MPDZ: variants seen among roughly 807,000 people sequenced by gnomAD.
MPDZ encodes multiple PDZ domain protein.
In MPDZ, 234 loss-of-function variants were observed where a neutral mutation model predicts 239.1. The ratio of observed to expected loss-of-function variants is 0.98; its 90% CI spans 0.88 to 1.09. The LOEUF (loss-of-function observed/expected upper bound fraction) is 1.09, where lower values mean the gene tolerates loss of function less well. Ranked by LOEUF, MPDZ falls within the 50% of genes least tolerant of loss-of-function variation. The pLI is 0.00. For synonymous variants in MPDZ, 1,048 were observed against 881.3 expected (o/e 1.19, Z -3.35); for missense variants, 3,175 against 2,510.0 (o/e 1.26, Z -5.66).
rs769011115 is a variant in MPDZ at position 13,219,569 on chromosome 9, G to C, written c.1076C>G (p.Pro359Arg). 1.2e-6 allele frequency: 2 copies of C among 1,611,522 alleles called. No homozygotes were observed. Among genetic ancestry groups the C allele is most frequent in the Non-Finnish European group, 1.7e-6 (2 of 1,178,674 alleles). ...CTCTTAACTACTTACCCGCAACTCT[G>C]GTGTTGAAGTTGGGGATGAGGAGAG... ...ITLSSSPTST[P>R]ELRVDASTQK... The change falls in exon 8 of 47, where the codon CCA (proline) becomes CGA (arginine). Residue 359 changes from proline (P) to arginine (R), a missense_variant. By Grantham distance (103) the Pro-to-Arg change is moderately radical (BLOSUM62 -2). Coordinates refer to ENST00000319217, the MANE Select transcript of MPDZ (RefSeq NM_001378778.1).
chr9:13,236,851 T>TG (rs1196176915), intron 3 of MPDZ, among the ~76,000 whole-genome samples: 2 of 152,054 alleles, frequency 1.3e-5, no homozygotes, highest in Non-Finnish European at 2.9e-5. Flanking sequence ...CGTACCAGGA[T>TG]GTTTTACCTC....
chr9:13,210,678 C>T (rs1188790722), intron 10 of MPDZ, among the ~76,000 whole-genome samples: 1 of 151,990 alleles, frequency 6.6e-6, no homozygotes, highest in Non-Finnish European at 1.5e-5. Context: ...AGGCTCAAGT[C>T]ATTTTGAAAC....
chr9:13,143,387 G>A (rs1947983628), intron 27 of MPDZ, 79 bp downstream of exon 27: 1 of 1,089,250 alleles, frequency 9.2e-7, no homozygotes. Flanking sequence ...ATAGTGAACT[G>A]GGACAAAGAC....
chr9:13,175,429 A>T (rs2134157329), intron 21 of MPDZ, among the ~76,000 whole-genome samples: 1 of 152,320 alleles, frequency 6.6e-6, no homozygotes, highest in African/African-American at 2.4e-5. Context: ...TTAGAATTCC[A>T]AATTGCTGAG....
chr9:13,122,781 T>A (rs1007106151), intron 36 of MPDZ, among the ~76,000 whole-genome samples: 2 of 152,074 alleles, frequency 1.3e-5, no homozygotes, highest in African/African-American at 2.4e-5. Flanking sequence ...CCTCCTAAAG[T>A]GCTGGGATTA....
At chr9:13,174,551 C>G (rs573409058) in intron 21 of MPDZ, among the ~76,000 whole-genome samples, 1 of 152,116 alleles carries the variant, frequency 6.6e-6, no homozygotes, top group Non-Finnish European at 1.5e-5. Flanking sequence ...TAAAAAGAAA[C>G]CCGTCTTCTT....
chr9:13,170,942 T>C (rs975243820), intron 21 of MPDZ, among the ~76,000 whole-genome samples: 2 of 152,170 alleles, frequency 1.3e-5, no homozygotes, highest in African/African-American at 4.8e-5. Context: ...TCTCAATTTT[T>C]TTCCTGGAAG....
rs745606001 is a variant in MPDZ at position 13,224,435 on chromosome 9, G to A, written c.332C>T (p.Pro111Leu). The A allele has an allele frequency of 1.2e-6, 2 of 1,612,842 alleles. No homozygotes were observed. Among genetic ancestry groups the A allele is most frequent in the Non-Finnish European group, 1.7e-6 (2 of 1,179,256 alleles). ...ACAAGCAGGTTTCCCATTAATGTGTGGAATACCAGGTCCTGTAAGTGCTTC... is the reference window on the plus strand; with the variant it reads ...ACAAGCAGGTTTCCCATTAATGTGTAGAATACCAGGTCCTGTAAGTGCTTC... ...NLEALTGPGI[P>L]HINGKPACDE... The change falls in exon 4 of 47, where the codon CCA becomes CTA. Residue 111 changes from proline to leucine, a missense_variant. Pro to Leu is a moderately conservative substitution (Grantham distance 98). Coordinates refer to ENST00000319217, the MANE Select transcript of MPDZ (RefSeq NM_001378778.1).
intron 39 of MPDZ, among the ~76,000 whole-genome samples, 200 bp from the exon 40 acceptor site, chr9:13,115,534 G>T (rs549123942): frequency 5.1e-4 from 78 of 152,162 alleles, no homozygotes; most frequent in Admixed American, 4.8e-3. Context: ...ATCAGCAGCA[G>T]CAACACCAAG....
intron 19 of MPDZ, among the ~76,000 whole-genome samples, chr9:13,182,311 G>T (rs1206828196): frequency 1.3e-5 from 2 of 151,854 alleles, no homozygotes; most frequent in Admixed American, 1.3e-4. Flanking sequence ...ATTCATATAT[G>T]AACTCTTTGC....
At chr9:13,264,113 T>G (rs1971291502) in intron 1 of MPDZ, among the ~76,000 whole-genome samples, 1 of 152,172 alleles carries the variant, frequency 6.6e-6, no homozygotes, top group Admixed American at 6.5e-5. Context: ...ATATGGAAAT[T>G]GAAGTATTTT....
intron 7 of MPDZ, among the ~76,000 whole-genome samples, chr9:13,219,976 C>T (rs1232957382): frequency 1.3e-5 from 2 of 151,906 alleles, no homozygotes; most frequent in Admixed American, 1.3e-4. Flanking sequence ...CACATATAGT[C>T]TTTAAATCAA....
At chr9:13,234,507 A>G (rs1487173762) in intron 3 of MPDZ, among the ~76,000 whole-genome samples, 1 of 152,086 alleles carries the variant, frequency 6.6e-6, no homozygotes. Context: ...CTGTTTTATG[A>G]TTCTGTTATT....
At chr9:13,246,038 T>G (rs945125323) in intron 3 of MPDZ, among the ~76,000 whole-genome samples, 2 of 90,062 alleles carry the variant, frequency 2.2e-5, no homozygotes, top group African/African-American at 8.4e-5. Flanking sequence ...ATAGAAGATA[T>G]CTGTTCAACT....
At chr9:13,212,915 C>T (rs989962695) in intron 10 of MPDZ, among the ~76,000 whole-genome samples, 8 of 151,982 alleles carry the variant, frequency 5.3e-5, no homozygotes, top group African/African-American at 1.7e-4. Flanking sequence ...CAAAATCTGG[C>T]CCCTGAGCAT....
chr9:13,150,149 T>C (rs1237721301), intron 25 of MPDZ, among the ~76,000 whole-genome samples: 1 of 152,122 alleles, frequency 6.6e-6, no homozygotes, highest in South Asian at 2.1e-4. Context: ...TTGTGCTTTG[T>C]TCTTTCAAAC....
intron 14 of MPDZ, 89 bp from the exon 15 acceptor site, chr9:13,192,384 A>C (rs996239760): frequency 6.8e-6 from 8 of 1,170,758 alleles, no homozygotes; most frequent in Non-Finnish European, 9.7e-6. Context: ...TATAAATTTT[A>C]CTATAGTCAT....
intron 10 of MPDZ, among the ~76,000 whole-genome samples, chr9:13,208,904 C>T (rs371615789): frequency 6.6e-6 from 1 of 152,050 alleles, no homozygotes; most frequent in Admixed American, 6.6e-5. Context: ...CTCCACCCTG[C>T]TGATTCCCTG....
In MPDZ at chr9:13,216,790, C is replaced by A. The variant is rs760770883; in HGVS notation, c.1274G>T (p.Gly425Val). 8 of 1,608,566 alleles carry A rather than the reference C, an allele frequency of 5.0e-6. No homozygotes were observed. Among genetic ancestry groups the A allele is most frequent in the Non-Finnish European group, 6.8e-6 (8 of 1,176,948 alleles). Residue 425 changes from glycine to valine, a missense_variant, in exon 10 of 47, where the codon GGA becomes GTA. Coordinates refer to ENST00000319217, the MANE Select transcript of MPDZ (RefSeq NM_001378778.1). The part of the protein sequence containing the change: ...AVEHDGRIQI[G>V]DQIIAVDGTN... The stretch of plus-strand genomic sequence containing the variant: ...GTAACTTACTGCTATAATTTGGTCT[C>A]CAATTTGGATTCTTCCATCATGCTC...
Sources: gnomAD v4.1 joint callset for allele counts (sites outside exome capture counted in the v4.1 genomes callset) on GRCh38, gnomAD v4.1.1 for gene constraint, MANE v1.5 for transcripts, NCBI Gene and HGNC (gene_info 2026-07-23, HGNC 2026-07-21) for gene names.